The following MSI2 variants were observed in gnomAD, a reference collection of about 807,000 sequenced individuals.
MSI2 encodes the protein RNA-binding protein Musashi homolog 2.
MSI2 carries 17 observed loss-of-function variants against 45.6 expected under a neutral mutation model. That is an observed-to-expected ratio of 0.37 (90% CI 0.26 to 0.56). The LOEUF (loss-of-function observed/expected upper bound fraction) is 0.56, where lower values mean the gene tolerates loss of function less well. Among genes scored for constraint, MSI2 ranks in the 20% least tolerant of loss-of-function variants. The pLI, the probability that MSI2 is intolerant of heterozygous loss-of-function variation, is 0.77. For synonymous variants in MSI2, 156 were observed against 158.2 expected, an observed-to-expected ratio of 0.99 and a Z score of 0.11; for missense variants, 293 against 444.2, an observed-to-expected ratio of 0.66 and a Z score of 3.06.
Position 57,675,198 on chromosome 17 carries a change from C to T in MSI2, c.945+72C>T. Reference sequence around the variant, plus strand: ...AGCTCCTTGTGGCCTGTGGGTGTGCCAGGAAAGCCCAACATCGGGGGCAGA... The same window carrying T: ...AGCTCCTTGTGGCCTGTGGGTGTGCTAGGAAAGCCCAACATCGGGGGCAGA... On this transcript the variant is annotated intron_variant, in intron 12 of 13. Transcript: ENST00000284073. 6 of 1,458,922 alleles carry T rather than the reference C, an allele frequency of 4.1e-6. No individual in the cohort carries two copies. In the South Asian group the frequency reaches 5.1e-5, roughly 12 times the overall value. The allele number at this position is 1,458,922 out of a possible 1,614,324, so 90.4% of individuals were successfully genotyped here. A position where few individuals can be genotyped will look rare whatever the true frequency, so the allele number is the denominator to read the frequency against.
intron 10 of MSI2, among the ~76,000 whole-genome samples, chr17:57,639,838 A>G (rs894218198): frequency 6.6e-6 from 1 of 152,186 alleles, no homozygotes; most frequent in Admixed American, 6.5e-5. Context: ...AGGTAAGGCC[A>G]GGAGCACCTC....
At chr17:57,333,804 CAA>C (rs1487944462) in intron 5 of MSI2, among the ~76,000 whole-genome samples, 2 of 150,828 alleles carry the variant, frequency 1.3e-5, no homozygotes, top group Non-Finnish European at 3.0e-5. Context: ...AAAAAAAAAA[CAA>C]AAAGATTTGC....
At chr17:57,589,054 CA>C (rs1904575652) in intron 7 of MSI2, among the ~76,000 whole-genome samples, 1 of 152,142 alleles carries the variant, frequency 6.6e-6, no homozygotes, top group South Asian at 2.1e-4. Flanking sequence ...CCTCAATAAC[CA>C]CCTTTGGGAA....
chr17:57,362,152 C>G (rs1032290622), intron 5 of MSI2, among the ~76,000 whole-genome samples: 8 of 152,096 alleles, frequency 5.3e-5, no homozygotes, highest in African/African-American at 1.9e-4. Flanking sequence ...CAGTGGTGGG[C>G]AGTATCTTTG....
chr17:57,499,067 G>A (rs1381246568), intron 6 of MSI2, among the ~76,000 whole-genome samples: 2 of 151,894 alleles, frequency 1.3e-5, no homozygotes, highest in East Asian at 3.9e-4. Context: ...GTGACAATTG[G>A]GCTTTTTTTC....
At chr17:57,318,278 G>A (rs939835035) in intron 5 of MSI2, among the ~76,000 whole-genome samples, 2 of 152,144 alleles carry the variant, frequency 1.3e-5, no homozygotes, top group African/African-American at 4.8e-5. Context: ...GGAGACCCGG[G>A]GAGGTTTTTC....
intron 8 of MSI2, among the ~76,000 whole-genome samples, chr17:57,607,571 G>A (rs1906753717): frequency 6.6e-6 from 1 of 152,254 alleles, no homozygotes; most frequent in Non-Finnish European, 1.5e-5. Flanking sequence ...TGATGTCTGA[G>A]AAGGGAGGAG....
chr17:57,274,694 A>G (rs189980217), intron 5 of MSI2, among the ~76,000 whole-genome samples: 151 of 152,350 alleles, frequency 9.9e-4, no homozygotes, highest in Non-Finnish European at 1.4e-3. Flanking sequence ...TATGCATATA[A>G]ATGTATGTGA....
intron 7 of MSI2, among the ~76,000 whole-genome samples, chr17:57,550,110 TA>T (rs1321809840): frequency 1.3e-5 from 2 of 152,194 alleles, no homozygotes; most frequent in Non-Finnish European, 2.9e-5. Context: ...TTTTCTGAGC[TA>T]ATTAGAAATC....
At chr17:57,432,747 A>G (rs562369740) in intron 6 of MSI2, 1 of 152,676 alleles carries the variant, frequency 6.5e-6, no homozygotes, top group South Asian at 2.1e-4. Context: ...GTCTAGGAGA[A>G]GAATGGCGTT....
intron 7 of MSI2, among the ~76,000 whole-genome samples, chr17:57,580,886 CT>C (rs1472655481): frequency 2.0e-5 from 3 of 152,028 alleles, no homozygotes; most frequent in Non-Finnish European, 2.9e-5. Flanking sequence ...TGGTAGCCCA[CT>C]CATTCCAAGC....
intron 6 of MSI2, among the ~76,000 whole-genome samples, chr17:57,497,287 C>T (rs1184096623): frequency 3.9e-5 from 6 of 152,206 alleles, no homozygotes; most frequent in Non-Finnish European, 8.8e-5. Flanking sequence ...TATTGGACCC[C>T]TTTAAATGTG....
At chr17:57,694,673 C>T in the MSI2 span, among the ~76,000 whole-genome samples, 19 of 152,224 alleles carry the variant, frequency 1.2e-4, no homozygotes, top group South Asian at 1.7e-3. Flanking sequence ...AAACCTATCA[C>T]AGATCTGTAC....
chr17:57,530,730 A>G (rs1035173), intron 7 of MSI2, among the ~76,000 whole-genome samples: 79,174 of 151,940 alleles, frequency 0.52, 21,168 homozygotes, highest in East Asian at 0.82. Context: ...GTGATTAGAA[A>G]CAGTTACCCA....
chr17:57,403,109 T>C (rs990019962), intron 6 of MSI2, among the ~76,000 whole-genome samples: 2 of 152,012 alleles, frequency 1.3e-5, no homozygotes, highest in African/African-American at 2.4e-5. Flanking sequence ...AAACATGAAG[T>C]GGGATTTCTT....
chr17:57,380,745 G>A (rs915009431), intron 5 of MSI2, among the ~76,000 whole-genome samples: 3 of 152,210 alleles, frequency 2.0e-5, no homozygotes, highest in Non-Finnish European at 2.9e-5. Context: ...TTGGACATCT[G>A]TTACTCTTCC....
intron 7 of MSI2, among the ~76,000 whole-genome samples, chr17:57,572,059 G>A (rs1044860274): frequency 1.3e-5 from 2 of 152,146 alleles, no homozygotes; most frequent in Non-Finnish European, 2.9e-5. Flanking sequence ...CTGATCAGCC[G>A]TGCCAAAGAG....
At chr17:57,427,803 G>A (rs2143352152) in intron 6 of MSI2, among the ~76,000 whole-genome samples, 1 of 152,214 alleles carries the variant, frequency 6.6e-6, no homozygotes, top group African/African-American at 2.4e-5. Context: ...AATGGTTTAA[G>A]GAAGAACATT....
chr17:57,676,857 G>T, intron 12 of MSI2, 130 bp from the exon 13 acceptor site: 3 of 730,958 alleles, frequency 4.1e-6, no homozygotes, highest in Admixed American at 1.8e-5. Context: ...CTCATGGCAC[G>T]GTGTCTCAGA....
Sources: allele counts gnomAD v4.1 joint callset (sites outside exome capture counted in the v4.1 genomes callset), GRCh38; gene constraint gnomAD v4.1.1; transcripts MANE v1.5; gene names NCBI Gene and HGNC (gene_info 2026-07-23, HGNC 2026-07-21).